Variants in SPRR2G observed in about 807,000 individuals in gnomAD.
SPRR2G encodes small proline-rich protein 2G.
SPRR2G carries 1 observed loss-of-function variant against 0.7 expected under a neutral mutation model. That is an observed-to-expected ratio of 1.49 (90% CI 0.53 to 7.06). The LOEUF (loss-of-function observed/expected upper bound fraction) is 7.06, where lower values mean the gene tolerates loss of function less well. SPRR2G is among the 30% of genes most tolerant of loss of function. SPRR2G has a pLI of 0.14. For missense variants in SPRR2G, 96 were observed against 88.5 expected, an observed-to-expected ratio of 1.09 and a Z score of -0.34; for synonymous variants, 38 against 33.9, an observed-to-expected ratio of 1.12 and a Z score of -0.42.
Position 153,149,601 on chromosome 1 carries a change from T to C in SPRR2G, c.*288A>G. 2.0e-6 allele frequency: 1 copy of C among 490,744 alleles called. No homozygotes were observed. The allele number at this position is 490,744 out of a possible 1,614,324, so 30.4% of individuals were successfully genotyped here. Reference sequence around the variant, plus strand: ...GCAATGTGGGCTTGACCATGAAACATGTGCTTTATTGGGGAGAAGCAAAAG... The same window carrying C: ...GCAATGTGGGCTTGACCATGAAACACGTGCTTTATTGGGGAGAAGCAAAAG... On this transcript the variant is annotated 3_prime_UTR_variant, in exon 2 of 2. Coordinates refer to ENST00000368748, the MANE Select transcript of SPRR2G (RefSeq NM_001014291.4).
At chr1:153,171,136 C>T in the SPRR2G span, among the ~76,000 whole-genome samples, 1 of 152,184 alleles carries the variant, frequency 6.6e-6, no homozygotes, top group African/African-American at 2.4e-5. Context: ...GCCAGTATGA[C>T]TGAAATGTTG....
chr1:153,202,558 T>A, the SPRR2G span, among the ~76,000 whole-genome samples: 1 of 152,194 alleles, frequency 6.6e-6, no homozygotes, highest in African/African-American at 2.4e-5. Context: ...AGTCAGTAAA[T>A]AAGTCCCATG....
At chr1:153,175,822 C>T in the SPRR2G span, among the ~76,000 whole-genome samples, 2 of 152,216 alleles carry the variant, frequency 1.3e-5, no homozygotes, top group African/African-American at 2.4e-5. Context: ...TGGTGGCTCA[C>T]GCCTGTAATC....
the SPRR2G span, among the ~76,000 whole-genome samples, chr1:153,185,547 G>A: frequency 6.6e-6 from 1 of 152,106 alleles, no homozygotes; most frequent in Admixed American, 6.5e-5. Context: ...GTATTTCTGA[G>A]GGATCAGTGG....
the SPRR2G span, among the ~76,000 whole-genome samples, chr1:153,170,776 T>A: frequency 6.6e-6 from 1 of 152,174 alleles, no homozygotes; most frequent in Non-Finnish European, 1.5e-5. Flanking sequence ...TCAAAGGTCC[T>A]ACCTCCCTGC....
At chr1:153,184,909 C>G in the SPRR2G span, among the ~76,000 whole-genome samples, 1 of 152,140 alleles carries the variant, frequency 6.6e-6, no homozygotes, top group South Asian at 2.1e-4. Context: ...GTGTTTTTAT[C>G]GTGAAGGGGT....
the SPRR2G span, among the ~76,000 whole-genome samples, chr1:153,170,012 A>G: frequency 6.6e-6 from 1 of 152,226 alleles, no homozygotes; most frequent in African/African-American, 2.4e-5. Context: ...GTTTATATTA[A>G]CTAATATAAC....
At chr1:153,160,401 T>A in the SPRR2G span, among the ~76,000 whole-genome samples, 1 of 152,246 alleles carries the variant, frequency 6.6e-6, no homozygotes, top group African/African-American at 2.4e-5. Context: ...AGATCTTGAT[T>A]TCCATTATTT....
the SPRR2G span, among the ~76,000 whole-genome samples, chr1:153,164,479 C>G: frequency 6.6e-6 from 1 of 152,166 alleles, no homozygotes; most frequent in East Asian, 1.9e-4. Flanking sequence ...GTAAGTGGCT[C>G]TGTTATTTTA....
At chr1:153,165,136 G>C in the SPRR2G span, among the ~76,000 whole-genome samples, 5 of 152,038 alleles carry the variant, frequency 3.3e-5, no homozygotes, top group African/African-American at 9.7e-5. Flanking sequence ...GCAGCTTTCA[G>C]GATGGGATTT....
chr1:153,164,238 C>T, the SPRR2G span, among the ~76,000 whole-genome samples: 1 of 152,156 alleles, frequency 6.6e-6, no homozygotes, highest in Non-Finnish European at 1.5e-5. Flanking sequence ...TGCCCTTGGG[C>T]ATGGAGAGGC....
At chr1:153,161,678 G>T in the SPRR2G span, among the ~76,000 whole-genome samples, 11 of 152,246 alleles carry the variant, frequency 7.2e-5, no homozygotes, top group African/African-American at 2.6e-4. Context: ...TCACCTAAGA[G>T]ACCCAGGCTG....
upstream of SPRR2G, among the ~76,000 whole-genome samples, chr1:153,153,742 G>C (rs1398152625): frequency 6.6e-5 from 10 of 152,030 alleles, no homozygotes; most frequent in African/African-American, 2.4e-4. Context: ...TTATAGCCTA[G>C]TTCTTTAAGC....
the SPRR2G span, among the ~76,000 whole-genome samples, chr1:153,180,881 T>A: frequency 2.0e-5 from 3 of 152,208 alleles, no homozygotes; most frequent in Non-Finnish European, 4.4e-5. Flanking sequence ...ATTAAACTCT[T>A]TATTATATGT....
the SPRR2G span, among the ~76,000 whole-genome samples, chr1:153,162,693 T>C: frequency 2.0e-5 from 3 of 152,202 alleles, no homozygotes; most frequent in South Asian, 4.1e-4. Flanking sequence ...TCAAACTCCA[T>C]GGCCTGACCA....
At chr1:153,177,664 A>G in the SPRR2G span, among the ~76,000 whole-genome samples, 7 of 152,212 alleles carry the variant, frequency 4.6e-5, no homozygotes, top group South Asian at 1.0e-3. Context: ...ATGTAGGTCT[A>G]TTTCTGAGTT....
the SPRR2G span, among the ~76,000 whole-genome samples, chr1:153,188,590 A>T: frequency 6.6e-6 from 1 of 152,172 alleles, no homozygotes; most frequent in African/African-American, 2.4e-5. Context: ...AAGAATTTCA[A>T]GCCAGTGGTT....
the SPRR2G span, among the ~76,000 whole-genome samples, chr1:153,196,854 C>T: frequency 9.9e-5 from 15 of 152,174 alleles, no homozygotes; most frequent in African/African-American, 3.6e-4. Flanking sequence ...GACATCTGCC[C>T]CAGTGGGCCC....
chr1:153,197,343 A>G, the SPRR2G span, among the ~76,000 whole-genome samples: 2 of 152,036 alleles, frequency 1.3e-5, no homozygotes, highest in Non-Finnish European at 2.9e-5. Flanking sequence ...TTCAGCCTAC[A>G]CAGCCCAGCG....
Sources: allele counts gnomAD v4.1 joint callset (sites outside exome capture counted in the v4.1 genomes callset), GRCh38; gene constraint gnomAD v4.1.1; transcripts MANE v1.5; gene names NCBI Gene and HGNC (gene_info 2026-07-23, HGNC 2026-07-21).